ASTN1: variants seen among roughly 807,000 people sequenced by gnomAD.
The protein encoded by ASTN1 is astrotactin 1.
Under a neutral mutation model 140.7 loss-of-function variants are expected in ASTN1, and 41 were observed. The observed-to-expected ratio is 0.29, with a 90% CI of 0.23 to 0.38. The LOEUF is 0.38. Ranked by LOEUF, ASTN1 falls within the 10% of genes least tolerant of loss-of-function variation. The pLI, the probability that ASTN1 is intolerant of heterozygous loss-of-function variation, is 1.00. For synonymous variants in ASTN1, 640 were observed against 652.2 expected (o/e 0.98, Z 0.29); for missense variants, 1,479 against 1,678.8 (o/e 0.88, Z 2.08).
chr1:177,138,813 G>A (rs1028992794), intron 1 of ASTN1, among the ~76,000 whole-genome samples: 22 of 152,166 alleles, frequency 1.4e-4, no homozygotes, highest in Non-Finnish European at 2.9e-4. Context: ...TATTGGTGCC[G>A]AAAACTGTGC....
At chr1:176,946,848 T>A (rs2103112548) in intron 12 of ASTN1, among the ~76,000 whole-genome samples, 1 of 152,310 alleles carries the variant, frequency 6.6e-6, no homozygotes, top group East Asian at 1.9e-4. Context: ...AACTCATAAG[T>A]CATTAATTGG....
At chr1:176,979,321 C>T (rs1277860605) in intron 8 of ASTN1, among the ~76,000 whole-genome samples, 1 of 152,158 alleles carries the variant, frequency 6.6e-6, no homozygotes, top group African/African-American at 2.4e-5. Flanking sequence ...GCAATGGTGG[C>T]TGACAGTCCC....
At chr1:177,019,261 A>G (rs1675701923) in intron 7 of ASTN1, among the ~76,000 whole-genome samples, 1 of 152,224 alleles carries the variant, frequency 6.6e-6, no homozygotes, top group African/African-American at 2.4e-5. Flanking sequence ...TGAAGCTCCA[A>G]TTACGTAATC....
At chr1:176,916,239 G>A (rs1276131212) in intron 16 of ASTN1, among the ~76,000 whole-genome samples, 3 of 152,188 alleles carry the variant, frequency 2.0e-5, no homozygotes, top group Non-Finnish European at 4.4e-5. Flanking sequence ...GTGAGATAAG[G>A]ATGCAGATGA....
intron 7 of ASTN1, among the ~76,000 whole-genome samples, chr1:177,022,007 A>C (rs758368831): frequency 4.6e-5 from 7 of 152,212 alleles, no homozygotes; most frequent in Non-Finnish European, 1.0e-4. Flanking sequence ...TAGACTTCAG[A>C]TGTTTAAAAT....
intron 1 of ASTN1, among the ~76,000 whole-genome samples, chr1:177,143,420 G>A (rs1417375240): frequency 2.0e-5 from 3 of 152,176 alleles, no homozygotes; most frequent in African/African-American, 4.8e-5. Flanking sequence ...CTGAACCATC[G>A]TGGATGGAGA....
chr1:177,055,771 G>C (rs1677771203), intron 2 of ASTN1, among the ~76,000 whole-genome samples: 1 of 152,182 alleles, frequency 6.6e-6, no homozygotes, highest in South Asian at 2.1e-4. Flanking sequence ...TGATAAATTA[G>C]AGCATCCTAA....
intron 8 of ASTN1, among the ~76,000 whole-genome samples, chr1:177,013,690 A>T (rs897736892): frequency 1.8e-4 from 27 of 152,152 alleles, no homozygotes; most frequent in African/African-American, 6.5e-4. Flanking sequence ...AGCTGCAAAC[A>T]CATATCTAAT....
intron 1 of ASTN1, among the ~76,000 whole-genome samples, chr1:177,116,081 C>A (rs904277029): frequency 2.6e-5 from 4 of 152,090 alleles, no homozygotes; most frequent in Non-Finnish European, 5.9e-5. Context: ...TCATGAAACC[C>A]AAATTCTAGA....
At chr1:177,087,351 A>G (rs1481289954) in intron 1 of ASTN1, among the ~76,000 whole-genome samples, 1 of 152,178 alleles carries the variant, frequency 6.6e-6, no homozygotes, top group Non-Finnish European at 1.5e-5. Flanking sequence ...AACTTGCCTA[A>G]ATGTGGAAAT....
At chr1:176,897,954 AC>A (rs1669594216) in intron 16 of ASTN1, among the ~76,000 whole-genome samples, 1 of 152,074 alleles carries the variant, frequency 6.6e-6, no homozygotes, top group Admixed American at 6.5e-5. Context: ...CGTGCTCATG[AC>A]AAATGCGGCC....
chr1:177,046,457 G>C (rs1214871935), intron 2 of ASTN1, among the ~76,000 whole-genome samples: 1 of 152,164 alleles, frequency 6.6e-6, no homozygotes, highest in African/African-American at 2.4e-5. Flanking sequence ...ACTGAGGACA[G>C]GAAAATGAGG....
At chr1:176,947,660 C>CA (rs1382033569) in intron 12 of ASTN1, among the ~76,000 whole-genome samples, 1 of 152,160 alleles carries the variant, frequency 6.6e-6, no homozygotes, top group Non-Finnish European at 1.5e-5. Flanking sequence ...CTTCCTTGAG[C>CA]AATAGCACAG....
chr1:177,084,024 TCTTCTGTGGAGA>T (rs1679305138), intron 1 of ASTN1, among the ~76,000 whole-genome samples: 1 of 152,228 alleles, frequency 6.6e-6, no homozygotes, highest in Non-Finnish European at 1.5e-5. Context: ...TCTGGCATTG[TCTTCTGTGGAGA>T]TGGAAAATAA....
intron 1 of ASTN1, among the ~76,000 whole-genome samples, chr1:177,148,509 T>C (rs1682820811): frequency 1.3e-5 from 2 of 152,110 alleles, no homozygotes; most frequent in African/African-American, 4.8e-5. Context: ...AGTCTTTTTA[T>C]GCCTTGCTAA....
intron 1 of ASTN1, among the ~76,000 whole-genome samples, chr1:177,062,321 G>A (rs1291014239): frequency 1.3e-5 from 2 of 151,390 alleles, no homozygotes; most frequent in African/African-American, 2.4e-5. Context: ...GCTTATTGTG[G>A]CCTCAACCTC....
intron 1 of ASTN1, among the ~76,000 whole-genome samples, chr1:177,098,597 GAAGGAAGC>G (rs1341105750): frequency 6.6e-6 from 1 of 152,064 alleles, no homozygotes; most frequent in Non-Finnish European, 1.5e-5. Flanking sequence ...TGGGTGCAAA[GAAGGAAGC>G]AAGGAGAAAC....
At chr1:176,871,920 A>C (rs955724648) in intron 21 of ASTN1, among the ~76,000 whole-genome samples, 1 of 152,174 alleles carries the variant, frequency 6.6e-6, no homozygotes, top group Non-Finnish European at 1.5e-5. Flanking sequence ...TGCAGGTGAA[A>C]ATATGGCAAA....
chr1:177,020,443 A>G (rs1443179783), intron 7 of ASTN1, among the ~76,000 whole-genome samples: 3 of 151,974 alleles, frequency 2.0e-5, no homozygotes, highest in Non-Finnish European at 4.4e-5. Flanking sequence ...TCCTTCCTCC[A>G]TATTCAAAGT....
Sources: allele counts gnomAD v4.1 joint callset (sites outside exome capture counted in the v4.1 genomes callset), GRCh38; gene constraint gnomAD v4.1.1; transcripts MANE v1.5; gene names NCBI Gene and HGNC (gene_info 2026-07-23, HGNC 2026-07-21).